Variants in AOAH observed in about 807,000 individuals in gnomAD.
AOAH encodes acyloxyacyl hydrolase.
Under a neutral mutation model 92.2 loss-of-function variants are expected in AOAH, and 64 were observed. The ratio of observed to expected loss-of-function variants is 0.69; its 90% CI spans 0.57 to 0.86. The LOEUF (loss-of-function observed/expected upper bound fraction) is 0.86. AOAH is among the 40% of genes least tolerant of loss of function. AOAH has a pLI of 0.00. For synonymous variants in AOAH, 263 were observed against 254.5 expected (o/e 1.03, Z -0.32); for missense variants, 656 against 694.6 (o/e 0.94, Z 0.62).
intron 13 of AOAH, among the ~76,000 whole-genome samples, chr7:36,549,863 G>T (rs114065380): frequency 1.6e-3 from 240 of 152,284 alleles, no homozygotes; most frequent in African/African-American, 5.5e-3. Flanking sequence ...AAAACGAAAA[G>T]AATGTTACGA....
chr7:36,612,878 CTTA>C (rs1304150657), intron 11 of AOAH, among the ~76,000 whole-genome samples: 3 of 151,970 alleles, frequency 2.0e-5, no homozygotes, highest in African/African-American at 7.2e-5. Context: ...AGATTTTTTT[CTTA>C]TTGCTACGTA....
intron 19 of AOAH, among the ~76,000 whole-genome samples, chr7:36,525,536 T>C (rs1482799394): frequency 1.3e-5 from 2 of 152,222 alleles, no homozygotes; most frequent in Non-Finnish European, 2.9e-5. Flanking sequence ...GAGGTGTTGA[T>C]AGATGTCTTC....
intron 1 of AOAH, among the ~76,000 whole-genome samples, chr7:36,712,603 G>C (rs1290278025): frequency 1.3e-5 from 2 of 152,316 alleles, no homozygotes; most frequent in Admixed American, 1.3e-4. Context: ...TACCCAAAAA[G>C]GGAAGCCCAT....
chr7:36,699,630 ATTATTTG>A (rs1225860287), intron 1 of AOAH, among the ~76,000 whole-genome samples: 1 of 139,836 alleles, frequency 7.2e-6, no homozygotes, highest in Non-Finnish European at 1.5e-5. Flanking sequence ...TTTAAATTGG[ATTATTTG>A]TTTTTTTTTT....
intron 16 of AOAH, among the ~76,000 whole-genome samples, chr7:36,535,211 C>T (rs1347385007): frequency 6.6e-6 from 1 of 151,884 alleles, no homozygotes; most frequent in East Asian, 1.9e-4. Flanking sequence ...GGGGAGCCAG[C>T]GGGCTGTCCC....
At chr7:36,550,733 G>A (rs914470334) in intron 13 of AOAH, among the ~76,000 whole-genome samples, 1 of 152,212 alleles carries the variant, frequency 6.6e-6, no homozygotes, top group Non-Finnish European at 1.5e-5. Context: ...TCGGTGGACC[G>A]AGTTGGAGAA....
At position 36,722,256 on chromosome 7, in the gene AOAH, C is replaced by T. The variant is rs114204017; in HGVS notation, c.127+1766G>A. Among the ~76,000 whole-genome samples, 1,436 of 152,212 alleles carry T rather than the reference C, an allele frequency of 9.4e-3. 25 individuals carry two copies. Among genetic ancestry groups the T allele is most frequent in the African/African-American group, 0.032 (1,344 of 41,506 alleles). On this transcript the variant is annotated intron_variant, in intron 1 of 20. Coordinates refer to ENST00000617537, the MANE Select transcript of AOAH (RefSeq NM_001637.4). Reference sequence around the variant, plus strand: ...AGCAATAATAGAAAAACCAGAGCAACCCCATCCTGAAATCTCCCCAACACC... The same window carrying T: ...AGCAATAATAGAAAAACCAGAGCAATCCCATCCTGAAATCTCCCCAACACC...
At position 36,529,807 on chromosome 7, in the gene AOAH, G is replaced by A. The variant is rs530903037; in HGVS notation, c.1522+611C>T. Among the ~76,000 whole-genome samples, 3 of 152,342 alleles carry A rather than the reference G, an allele frequency of 2.0e-5. No homozygotes were observed. In the South Asian group the frequency reaches 6.2e-4, roughly 32 times the overall value. ...TGTAAAGAGTAAATCAGTAGCTATA[G>A]TAATCATGCCTGTTTTTGTGTGGCC... On this transcript the variant is annotated intron_variant, in intron 19 of 20. Transcript: ENST00000617537.
At chr7:36,532,408 G>T in intron 16 of AOAH, 64 bp from the exon 17 acceptor site, 1 of 1,493,202 alleles carries the variant, frequency 6.7e-7, no homozygotes, top group South Asian at 1.1e-5. Context: ...AGAGGCACCT[G>T]GGGGCTTCCC....
chr7:36,515,428 ACACAC>A (rs2115668835), intron 20 of AOAH, among the ~76,000 whole-genome samples: 1 of 93,144 alleles, frequency 1.1e-5, no homozygotes, highest in Admixed American at 1.3e-4. Context: ...CACACCCCCC[ACACAC>A]CACACACAAA....
At chr7:36,681,951 A>G (rs1796672568) in intron 2 of AOAH, among the ~76,000 whole-genome samples, 1 of 152,260 alleles carries the variant, frequency 6.6e-6, no homozygotes, top group South Asian at 2.1e-4. Flanking sequence ...CCTATGGGCC[A>G]TCAACTTCTG....
chr7:36,626,007 G>A (rs1782375596), intron 6 of AOAH, among the ~76,000 whole-genome samples: 1 of 152,232 alleles, frequency 6.6e-6, no homozygotes, highest in African/African-American at 2.4e-5. Context: ...AACATCAGCT[G>A]TGACTCTTAA....
chr7:36,557,524 G>C (rs1786839082), intron 13 of AOAH, among the ~76,000 whole-genome samples: 1 of 152,292 alleles, frequency 6.6e-6, no homozygotes, highest in East Asian at 1.9e-4. Context: ...GAATCTGAAT[G>C]TTGGCCTGCC....
At chr7:36,692,215 G>T (rs1797444381) in intron 1 of AOAH, among the ~76,000 whole-genome samples, 3 of 152,180 alleles carry the variant, frequency 2.0e-5, no homozygotes, top group African/African-American at 7.2e-5. Context: ...CATGGAGCAG[G>T]CATTTAGCAA....
chr7:36,568,473 A>T (rs960291970), intron 13 of AOAH, among the ~76,000 whole-genome samples: 1 of 152,300 alleles, frequency 6.6e-6, no homozygotes, highest in Admixed American at 6.5e-5. Context: ...TCACTCTTGC[A>T]AGCCTTTCTG....
In AOAH at chr7:36,724,341, A is replaced by G. The variant is rs1009528148; in HGVS notation, c.-193T>C. On this transcript the variant is annotated 5_prime_UTR_variant, in exon 1 of 21. Transcript: ENST00000617537. ...TGAATAAAAGCACACATAAACACTC[A>G]CAGACCCACAGCTTGCTCTTGTTGG... The G allele has an allele frequency of 6.0e-6, 3 of 497,516 alleles. No individual in the cohort carries two copies. Among genetic ancestry groups the G allele is most frequent in the East Asian group, 4.3e-5 (1 of 23,400 alleles). 30.8% of individuals were successfully genotyped at this position (497,516 alleles called of 1,614,324 possible).
chr7:36,620,014 G>A (rs1296996238), intron 9 of AOAH, among the ~76,000 whole-genome samples: 1 of 152,056 alleles, frequency 6.6e-6, no homozygotes, highest in Non-Finnish European at 1.5e-5. Flanking sequence ...GGTGGAGAGG[G>A]GAGGCCAGAA....
rs536532355 is a variant in AOAH at position 36,645,023 on chromosome 7, A to T, written c.391-7113T>A. 2.6e-5 allele frequency among the ~76,000 whole-genome samples: 4 copies of T among 152,292 alleles called. No homozygotes were observed. In the South Asian group the frequency reaches 6.2e-4, roughly 24 times the overall value. On this transcript the variant is annotated intron_variant, in intron 4 of 20. Coordinates refer to ENST00000617537, the MANE Select transcript of AOAH (RefSeq NM_001637.4). ...AATTCACTGGTATAAACTGATTTTT[A>T]AAATGGAGCAAGATTTGAAAGATGA...
intron 1 of AOAH, among the ~76,000 whole-genome samples, chr7:36,697,262 A>AT (rs1296669399): frequency 3.9e-5 from 6 of 152,146 alleles, no homozygotes; most frequent in Admixed American, 2.0e-4. Flanking sequence ...TGGGTGACAA[A>AT]TTTTTTCAAA....
Sources: gnomAD v4.1 joint callset for allele counts (sites outside exome capture counted in the v4.1 genomes callset) on GRCh38, gnomAD v4.1.1 for gene constraint, MANE v1.5 for transcripts, NCBI Gene and HGNC (gene_info 2026-07-23, HGNC 2026-07-21) for gene names.